The following BMPER variants were observed in gnomAD, a reference collection of about 807,000 sequenced individuals.
The protein encoded by BMPER is BMP binding endothelial regulator, also known as BMP-binding endothelial regulator protein.
A neutral mutation model predicts 87.3 loss-of-function variants in BMPER; 45 were observed. That is an observed-to-expected ratio of 0.52 (90% confidence interval 0.41 to 0.66). BMPER has a LOEUF of 0.66. Ranked by LOEUF, BMPER falls within the 30% of genes least tolerant of loss-of-function variation. The probability of loss-of-function intolerance (pLI) is 0.00; values close to 1 mark genes in which losing one functional copy is unlikely to be tolerated. For synonymous variants in BMPER, 326 were observed against 316.2 expected (o/e 1.03, Z -0.33); for missense variants, 784 against 867.5 (o/e 0.90, Z 1.21).
intron 13 of BMPER, among the ~76,000 whole-genome samples, chr7:34,090,510 AC>A (rs1789351147): frequency 6.6e-6 from 1 of 152,146 alleles, no homozygotes; most frequent in African/African-American, 2.4e-5. Flanking sequence ...CCAGTATCAA[AC>A]CTACCTTCCC....
At chr7:33,985,554 T>C (rs137969204) in intron 6 of BMPER, among the ~76,000 whole-genome samples, 1 of 152,294 alleles carries the variant, frequency 6.6e-6, no homozygotes, top group African/African-American at 2.4e-5. Context: ...TTAAGGGGTG[T>C]GTGTGTGTTG....
chr7:34,103,550 C>T (rs1789740712), intron 13 of BMPER, among the ~76,000 whole-genome samples: 1 of 152,124 alleles, frequency 6.6e-6, no homozygotes, highest in South Asian at 2.1e-4. Context: ...CAAGTGACTC[C>T]CCTAGCATCG....
At chr7:34,121,380 A>G (rs1790260319) in intron 13 of BMPER, among the ~76,000 whole-genome samples, 1 of 152,194 alleles carries the variant, frequency 6.6e-6, no homozygotes, top group South Asian at 2.1e-4. Flanking sequence ...TTTAGTTTCA[A>G]TATTTTGGTT....
chr7:34,137,534 C>T lies in BMPER; in HGVS notation c.1746-5696C>T, dbSNP rs113044204. Among the ~76,000 whole-genome samples, 265 of 152,252 alleles carry T rather than the reference C, an allele frequency of 1.7e-3. 2 individuals carry two copies. The highest frequency in any genetic ancestry group is 5.8e-3 in the African/African-American group (242 of 41,538). ...TAAGCCAGACACAGTCCTTGTCCCCCGGAAAGAAAAGAGATGATGTTTCAA... is the reference window on the plus strand; with the variant it reads ...TAAGCCAGACACAGTCCTTGTCCCCTGGAAAGAAAAGAGATGATGTTTCAA... On this transcript the variant is annotated intron_variant, in intron 13 of 14. Coordinates refer to ENST00000649409, the MANE Select transcript of BMPER (RefSeq NM_001365308.1).
chr7:34,067,492 G>A (rs899550631), intron 11 of BMPER, among the ~76,000 whole-genome samples: 1 of 152,140 alleles, frequency 6.6e-6, no homozygotes, highest in Non-Finnish European at 1.5e-5. Flanking sequence ...TTTGAGCAAG[G>A]TTTCTGGCCT....
chr7:34,029,246 G>A (rs573125329), intron 6 of BMPER, among the ~76,000 whole-genome samples: 1 of 152,180 alleles, frequency 6.6e-6, no homozygotes, highest in South Asian at 2.1e-4. Flanking sequence ...AAGATCAAAA[G>A]TGAGAATGAA....
intron 7 of BMPER, among the ~76,000 whole-genome samples, chr7:34,048,372 G>A (rs964304957): frequency 6.6e-6 from 1 of 151,960 alleles, no homozygotes; most frequent in African/African-American, 2.4e-5. Context: ...ACACACACAT[G>A]TTTAAAGTAA....
At position 34,008,385 on chromosome 7, in the gene BMPER, C is replaced by A. The variant is rs192640209; in HGVS notation, c.576+33601C>A. 3.3e-5 allele frequency among the ~76,000 whole-genome samples: 5 copies of A among 151,872 alleles called. No homozygotes were observed. In the East Asian group the frequency reaches 9.7e-4, roughly 30 times the overall value. On this transcript the variant is annotated intron_variant, in intron 6 of 14. Coordinates refer to ENST00000649409, the MANE Select transcript of BMPER (RefSeq NM_001365308.1). The stretch of plus-strand genomic sequence containing the variant: ...TTTAATTTTAAGTTGTTAAATTCAT[C>A]CACTTTTCTTTAACACCTTCTGGAT...
chr7:34,057,542 G>A (rs1476558448), intron 9 of BMPER, among the ~76,000 whole-genome samples: 1 of 152,120 alleles, frequency 6.6e-6, no homozygotes, highest in Non-Finnish European at 1.5e-5. Flanking sequence ...CTGAGCACTG[G>A]GAGTCATTTG....
intron 6 of BMPER, among the ~76,000 whole-genome samples, chr7:34,017,490 A>C (rs1787058789): frequency 6.6e-6 from 1 of 151,812 alleles, no homozygotes; most frequent in Non-Finnish European, 1.5e-5. Flanking sequence ...TGAGAACAGC[A>C]TGGAAACGAC....
intron 6 of BMPER, among the ~76,000 whole-genome samples, chr7:34,044,680 T>C (rs537157669): frequency 3.2e-4 from 48 of 152,312 alleles, no homozygotes; most frequent in African/African-American, 1.1e-3. Flanking sequence ...TAGTGATTCT[T>C]GTTGATTCGG....
chr7:33,977,684 T>C (rs898409078), intron 6 of BMPER, among the ~76,000 whole-genome samples: 1 of 152,216 alleles, frequency 6.6e-6, no homozygotes. Flanking sequence ...ATTATGCATT[T>C]GAGCATGTAT....
In BMPER at chr7:33,905,836, G is replaced by A. The variant is rs1783799964; in HGVS notation, c.133+90G>A. 7.6e-6 allele frequency: 9 copies of A among 1,182,282 alleles called. 1 individual carries two copies. The South Asian group carries it at 8.9e-5, about 12-fold the overall frequency. 73.2% of individuals were successfully genotyped at this position (1,182,282 alleles called of 1,614,324 possible). ...GCTGGCTTGCCCCGGGGATGGGAGG[G>A]TGGGGAGCGCGCACCTTGGCGCTTG... On this transcript the variant is annotated intron_variant, in intron 1 of 14. Coordinates refer to ENST00000649409, the MANE Select transcript of BMPER (RefSeq NM_001365308.1).
At chr7:34,151,960 A>G (rs2127997063) in intron 14 of BMPER, among the ~76,000 whole-genome samples, 1 of 152,320 alleles carries the variant, frequency 6.6e-6, no homozygotes, top group East Asian at 1.9e-4. Context: ...GCCTTCATAG[A>G]ATTTATTTTA....
intron 9 of BMPER, among the ~76,000 whole-genome samples, chr7:34,057,200 A>G (rs1788308533): frequency 2.6e-5 from 4 of 152,194 alleles, no homozygotes; most frequent in South Asian, 4.1e-4. Context: ...CTGCAAGCTC[A>G]GGAAGGAATC....
intron 6 of BMPER, among the ~76,000 whole-genome samples, chr7:34,043,517 G>A (rs1787884375): frequency 6.6e-6 from 1 of 152,130 alleles, no homozygotes; most frequent in South Asian, 2.1e-4. Context: ...AAAAGAAAAA[G>A]GCAACCGATT....
chr7:34,152,140 A>G (rs1197837389), intron 14 of BMPER, among the ~76,000 whole-genome samples: 2 of 152,220 alleles, frequency 1.3e-5, no homozygotes, highest in Non-Finnish European at 2.9e-5. Flanking sequence ...TTCTGCAAAC[A>G]GCATAAACAA....
In BMPER at chr7:34,153,347, C is replaced by A; in HGVS notation, c.*74C>A. 6.5e-7 allele frequency: 1 copy of A among 1,528,306 alleles called. No homozygotes were observed. The highest frequency in any genetic ancestry group is 9.1e-7 in the Non-Finnish European group (1 of 1,104,820). The allele number at this position is 1,528,306 out of a possible 1,614,324, so 94.7% of individuals were successfully genotyped here. A position where few individuals can be genotyped will look rare whatever the true frequency, so the allele number is the denominator to read the frequency against. ...AAGCGGAAGAGCCAATGAAGGACTGCAGTATTTGTGTGCCCGATTCTGTAA... is the reference window on the plus strand; with the variant it reads ...AAGCGGAAGAGCCAATGAAGGACTGAAGTATTTGTGTGCCCGATTCTGTAA... On this transcript the variant is annotated 3_prime_UTR_variant, in exon 15 of 15. Transcript: ENST00000649409.
At chr7:34,095,696 C>A (rs1789511271) in intron 13 of BMPER, among the ~76,000 whole-genome samples, 1 of 152,190 alleles carries the variant, frequency 6.6e-6, no homozygotes, top group East Asian at 1.9e-4. Flanking sequence ...CAGCTCAGAG[C>A]CAAGTTTATG....
Sources: gnomAD v4.1 joint callset for allele counts (sites outside exome capture counted in the v4.1 genomes callset) on GRCh38, gnomAD v4.1.1 for gene constraint, MANE v1.5 for transcripts, NCBI Gene and HGNC (gene_info 2026-07-23, HGNC 2026-07-21) for gene names.